SSBP3: variants seen among roughly 807,000 people sequenced by gnomAD.
SSBP3 encodes the protein single-stranded DNA-binding protein 3.
A neutral mutation model predicts 69.6 loss-of-function variants in SSBP3; 5 were observed. The ratio of observed to expected loss-of-function variants is 0.07; its 90% CI spans 0.04 to 0.15. The LOEUF (loss-of-function observed/expected upper bound fraction) is 0.15, where lower values mean the gene tolerates loss of function less well. Ranked by LOEUF, SSBP3 falls within the 10% of genes least tolerant of loss-of-function variation. The pLI, the probability that SSBP3 is intolerant of heterozygous loss-of-function variation, is 1.00. For synonymous variants in SSBP3, 196 were observed against 193.4 expected, an observed-to-expected ratio of 1.01 and a Z score of -0.11; for missense variants, 312 against 534.0, an observed-to-expected ratio of 0.58 and a Z score of 4.10.
chr1:54,318,438 T>G (rs1317367803), intron 4 of SSBP3, among the ~76,000 whole-genome samples: 1 of 150,072 alleles, frequency 6.7e-6, no homozygotes, highest in East Asian at 1.9e-4. Context: ...TAGGATTAAG[T>G]TTTTTTTTTC....
chr1:54,240,093 C>CGTGT (rs1296410551), intron 13 of SSBP3, among the ~76,000 whole-genome samples: 3 of 21,248 alleles, frequency 1.4e-4, no homozygotes, highest in African/African-American at 2.9e-4. Context: ...TGTGTGCGCG[C>CGTGT]GCGCGCGTGT....
At chr1:54,354,820 A>C (rs535616960) in intron 4 of SSBP3, among the ~76,000 whole-genome samples, 1 of 152,340 alleles carries the variant, frequency 6.6e-6, no homozygotes, top group African/African-American at 2.4e-5. Flanking sequence ...CTGTGTTAAG[A>C]CACGGTGCCT....
chr1:54,309,869 G>A (rs1053706928), intron 4 of SSBP3, among the ~76,000 whole-genome samples: 2 of 152,140 alleles, frequency 1.3e-5, no homozygotes, highest in African/African-American at 2.4e-5. Flanking sequence ...TCGACAAGGC[G>A]CTTTCTTGTC....
chr1:54,413,145 A>G (rs1650034518), intron 1 of SSBP3: 1 of 151,782 alleles, frequency 6.6e-6, no homozygotes, highest in Admixed American at 6.6e-5. Context: ...TGCTCCTGAA[A>G]CCCTCTCCTC....
At chr1:54,346,188 G>A (rs994974074) in intron 4 of SSBP3, among the ~76,000 whole-genome samples, 1 of 151,388 alleles carries the variant, frequency 6.6e-6, no homozygotes, top group African/African-American at 2.4e-5. Flanking sequence ...AGCCAGGCGC[G>A]GCACCATGTG....
At chr1:54,238,380 G>A (rs1644538039) in intron 14 of SSBP3, 3 of 467,150 alleles carry the variant, frequency 6.4e-6, no homozygotes, top group South Asian at 1.6e-5. Flanking sequence ...GCTCCTGGAG[G>A]GGCAAGGCTG....
chr1:54,313,702 CA>C (rs1646046919), intron 4 of SSBP3, among the ~76,000 whole-genome samples: 1 of 151,880 alleles, frequency 6.6e-6, no homozygotes, highest in Non-Finnish European at 1.5e-5. Flanking sequence ...AGATGCTACT[CA>C]GAGTCAAGAT....
At chr1:54,355,930 G>C in intron 4 of SSBP3, among the ~76,000 whole-genome samples, 1 of 152,192 alleles carries the variant, frequency 6.6e-6, no homozygotes, top group East Asian at 1.9e-4. Context: ...CATTAACGCA[G>C]TGCTCGTGCC....
intron 4 of SSBP3, among the ~76,000 whole-genome samples, chr1:54,289,777 C>G (rs1645571117): frequency 6.6e-6 from 1 of 152,026 alleles, no homozygotes. Context: ...GAGCAAATCC[C>G]TCTAGGACGC....
chr1:54,229,237 C>T (rs916277219), intron 14 of SSBP3, among the ~76,000 whole-genome samples: 1 of 152,224 alleles, frequency 6.6e-6, no homozygotes, highest in Non-Finnish European at 1.5e-5. Flanking sequence ...TTCTCATCCC[C>T]ACTTCACAGG....
At chr1:54,356,910 G>C (rs1296208918) in intron 4 of SSBP3, 3 of 152,260 alleles carry the variant, frequency 2.0e-5, no homozygotes, top group Non-Finnish European at 4.4e-5. Flanking sequence ...TCAGCCTCTT[G>C]GTTTTGACAA....
intron 4 of SSBP3, among the ~76,000 whole-genome samples, chr1:54,398,679 G>A (rs981935519): frequency 6.6e-6 from 1 of 152,208 alleles, no homozygotes; most frequent in Non-Finnish European, 1.5e-5. Flanking sequence ...GCTCTGGCCT[G>A]AGGGTAACAG....
At chr1:54,386,808 T>A (rs749283592) in intron 4 of SSBP3, among the ~76,000 whole-genome samples, 1 of 150,270 alleles carries the variant, frequency 6.7e-6, no homozygotes, top group Non-Finnish European at 1.5e-5. Context: ...CCTGAGTAGC[T>A]GGACTATAGG....
intron 4 of SSBP3, among the ~76,000 whole-genome samples, chr1:54,320,243 A>G (rs945606038): frequency 6.6e-6 from 1 of 152,238 alleles, no homozygotes; most frequent in African/African-American, 2.4e-5. Context: ...TTTTTCAAAA[A>G]AAGAAATGGA....
chr1:54,371,232 T>C (rs1010330455), intron 4 of SSBP3, among the ~76,000 whole-genome samples: 2 of 152,254 alleles, frequency 1.3e-5, no homozygotes. Flanking sequence ...CTCACAAGAC[T>C]AAGTTGCTCA....
chr1:54,248,940 A>T (rs1259934044), intron 9 of SSBP3, among the ~76,000 whole-genome samples: 2 of 152,196 alleles, frequency 1.3e-5, no homozygotes, highest in Non-Finnish European at 2.9e-5. Context: ...TAACATAAAT[A>T]AAGACGGGTG....
At chr1:54,344,839 T>C (rs1038081085) in intron 4 of SSBP3, among the ~76,000 whole-genome samples, 2 of 152,064 alleles carry the variant, frequency 1.3e-5, no homozygotes, top group Admixed American at 6.5e-5. Flanking sequence ...CAGCAAGACA[T>C]TGTCTCAAAT....
At chr1:54,326,775 C>G (rs2100418052) in intron 4 of SSBP3, among the ~76,000 whole-genome samples, 1 of 152,332 alleles carries the variant, frequency 6.6e-6, no homozygotes, top group Middle Eastern at 3.4e-3. Context: ...GTCTCCCCAT[C>G]TGTAAACAGG....
In SSBP3 at chr1:54,276,608, C is replaced by CAAAA. The variant is rs746933473; in HGVS notation, c.366+4826_366+4829dup. On this transcript the variant is annotated intron_variant, in intron 5 of 17. Transcript: ENST00000610401. ...TGGGTGACAGAGTGAGACTCTGTCT[C>CAAAA]AAAAAAAAAAAAAAAAAAAAAAAAA... Among the ~76,000 whole-genome samples, 190 of 35,204 alleles carry CAAAA rather than the reference C, an allele frequency of 5.4e-3. 10 individuals are homozygous for CAAAA. The highest frequency in any genetic ancestry group is 0.018 in the African/African-American group (122 of 6,686). 23.1% of individuals were successfully genotyped at this position (35,204 alleles called of 152,430 possible).
Sources: gnomAD v4.1 joint callset for allele counts (sites outside exome capture counted in the v4.1 genomes callset) on GRCh38, gnomAD v4.1.1 for gene constraint, MANE v1.5 for transcripts, NCBI Gene and HGNC (gene_info 2026-07-23, HGNC 2026-07-21) for gene names.